The following NUFIP2 variants were observed in gnomAD, a reference collection of about 807,000 sequenced individuals.
NUFIP2 encodes FMR1-interacting protein NUFIP2.
In NUFIP2, 6 loss-of-function variants were observed where a neutral mutation model predicts 56.9. The ratio of observed to expected loss-of-function variants is 0.11; its 90% CI spans 0.06 to 0.21. The LOEUF (loss-of-function observed/expected upper bound fraction) is 0.21. Among genes scored for constraint, NUFIP2 ranks in the 10% least tolerant of loss-of-function variants. The pLI is 1.00. For missense variants in NUFIP2, 828 were observed against 826.8 expected, an observed-to-expected ratio of 1.00 and a Z score of -0.02; for synonymous variants, 321 against 298.2, an observed-to-expected ratio of 1.08 and a Z score of -0.79.
At position 29,256,311 on chromosome 17, in the gene NUFIP2, A is replaced by G. The variant is rs1245540718; in HGVS notation, c.*8228T>C. ...CCTCCAGTAGGTTCTAAGACTGAAC[A>G]TAAGTGAACTACTGACAGATGCGGA... is the stretch of plus-strand genomic sequence containing the variant. On this transcript the variant is annotated 3_prime_UTR_variant, in exon 4 of 4. Transcript: ENST00000225388. The G allele has an allele frequency of 6.6e-6, 1 of 152,376 alleles. No homozygotes were observed. The highest frequency in any genetic ancestry group is 1.9e-4 in the East Asian group (1 of 5,190). 9.4% of individuals were successfully genotyped at this position (152,376 alleles called of 1,614,324 possible).
chr17:29,267,148 C>T (rs919681255), intron 3 of NUFIP2, among the ~76,000 whole-genome samples: 1 of 152,128 alleles, frequency 6.6e-6, no homozygotes, highest in East Asian at 1.9e-4. Flanking sequence ...GGGTGATCCA[C>T]CCGCCTCAGC....
chr17:29,279,780 T>C (rs922276803), intron 2 of NUFIP2, among the ~76,000 whole-genome samples: 2 of 152,166 alleles, frequency 1.3e-5, no homozygotes, highest in African/African-American at 2.4e-5. Context: ...TCAAAAATGC[T>C]AGGATTATAG....
At chr17:29,282,818 G>A (rs1014923153) in intron 2 of NUFIP2, among the ~76,000 whole-genome samples, 1 of 151,996 alleles carries the variant, frequency 6.6e-6, no homozygotes, top group East Asian at 1.9e-4. Context: ...TGTTCTTAAA[G>A]GATATTCCAG....
rs2068977216 is a variant in NUFIP2, at chr17:29,257,416, G to A, written c.*7123C>T. 6.6e-6 allele frequency: 1 copy of A among 152,080 alleles called. No individual in the cohort carries two copies. Among genetic ancestry groups the A allele is most frequent in the African/African-American group, 2.4e-5 (1 of 41,410 alleles). 9.4% of individuals were successfully genotyped at this position (152,080 alleles called of 1,614,324 possible). A position where few individuals can be genotyped will look rare whatever the true frequency, so the allele number is the denominator to read the frequency against. ...CGGAGCTTCGGCAAAATTCGAGTGTGCAAAATGCATTTCTAAAACGTAATG... is the reference window on the plus strand; with the variant it reads ...CGGAGCTTCGGCAAAATTCGAGTGTACAAAATGCATTTCTAAAACGTAATG... On this transcript the variant is annotated 3_prime_UTR_variant, in exon 4 of 4. Transcript: ENST00000225388.
chr17:29,272,178 C>T (rs1454951589), intron 2 of NUFIP2, among the ~76,000 whole-genome samples: 1 of 149,840 alleles, frequency 6.7e-6, no homozygotes, highest in Non-Finnish European at 1.5e-5. Context: ...GCTGACATTA[C>T]CTTCTGTCCT....
intron 3 of NUFIP2, among the ~76,000 whole-genome samples, chr17:29,267,208 AT>A (rs71359290): frequency 0.087 from 11,877 of 136,050 alleles, 491 homozygotes; most frequent in South Asian, 0.19. Context: ...CCGGCCCTAC[AT>A]TTTTTTTTTT....
chr17:29,275,204 T>G (rs1366283957), intron 2 of NUFIP2, among the ~76,000 whole-genome samples: 1 of 152,090 alleles, frequency 6.6e-6, no homozygotes, highest in East Asian at 1.9e-4. Context: ...GTATTTTTTT[T>G]GTACATACAG....
intron 2 of NUFIP2, 119 bp downstream of exon 2, chr17:29,285,873 A>G (rs1369001211): frequency 2.6e-6 from 2 of 762,460 alleles, no homozygotes; most frequent in African/African-American, 3.5e-5. Context: ...GCTTATCCAC[A>G]TTGTCATTCT....
In NUFIP2 at chr17:29,262,401, T is replaced by TA. The variant is rs34898821; in HGVS notation, c.*2137dup. 19,227 of 152,188 alleles carry TA rather than the reference T, an allele frequency of 0.13. 1,389 individuals are homozygous for TA. The highest frequency in any genetic ancestry group is 0.3 in the East Asian group (1,541 of 5,166). The allele number at this position is 152,188 out of a possible 1,614,324, so 9.4% of individuals were successfully genotyped here. ...TTTTAACTTTTTGAAAATTTTTATT[T>TA]AAAAAAACACAAAAACACAGACTTT... On this transcript the variant is annotated 3_prime_UTR_variant, in exon 4 of 4. Coordinates refer to ENST00000225388, the MANE Select transcript of NUFIP2 (RefSeq NM_020772.3).
chr17:29,283,346 G>T (rs1312551302), intron 2 of NUFIP2, among the ~76,000 whole-genome samples: 2 of 152,138 alleles, frequency 1.3e-5, no homozygotes, highest in Non-Finnish European at 2.9e-5. Flanking sequence ...ACATTTTGTT[G>T]TTTTGTTTTG....
In NUFIP2 at chr17:29,287,296, C is replaced by T; in HGVS notation, c.698G>A (p.Gly233Asp). 5.6e-6 allele frequency: 9 copies of T among 1,614,186 alleles called. No individual in the cohort carries two copies. The highest frequency in any genetic ancestry group is 7.6e-6 in the Non-Finnish European group (9 of 1,180,020). The stretch of plus-strand genomic sequence containing the variant: ...CTGCACTATATTAAGGTTTTCACAA[C>T]CCTTGGCACTATTGCGCCTAGCTTT... ...KRKARRNSAKGCENLNIVQDK... is the reference protein window; with the variant it reads ...KRKARRNSAKDCENLNIVQDK... Residue 233 changes from glycine (G) to aspartate (D), a missense_variant, in exon 2 of 4, where the codon GGT becomes GAT. By Grantham distance (94) the Gly-to-Asp change is moderately conservative. Around this residue, in one of 3 missense-constraint regions of NUFIP2, gnomAD observed 415 missense variants for 408.7 expected, o/e 1.02. Coordinates refer to ENST00000225388, the MANE Select transcript of NUFIP2 (RefSeq NM_020772.3).
At chr17:29,290,564 G>A (rs996131334) in intron 1 of NUFIP2, among the ~76,000 whole-genome samples, 27 of 150,866 alleles carry the variant, frequency 1.8e-4, no homozygotes, top group African/African-American at 6.3e-4. Flanking sequence ...CAGGAGATTC[G>A]CTTGAATCCA....
intron 2 of NUFIP2, among the ~76,000 whole-genome samples, chr17:29,282,582 AAC>A (rs1254062202): frequency 2.0e-5 from 3 of 151,778 alleles, no homozygotes; most frequent in Admixed American, 6.6e-5. Context: ...ACAAAATAAA[AAC>A]ACCTTTCTTT....
At chr17:29,271,898 C>T (rs2069074815) in intron 2 of NUFIP2, among the ~76,000 whole-genome samples, 1 of 151,672 alleles carries the variant, frequency 6.6e-6, no homozygotes, top group Admixed American at 6.6e-5. Context: ...TGGTGAAATC[C>T]CATCTCTACT....
intron 2 of NUFIP2, among the ~76,000 whole-genome samples, chr17:29,281,490 T>G (rs2069139064): frequency 2.9e-5 from 4 of 136,430 alleles, no homozygotes; most frequent in Non-Finnish European, 6.2e-5. Flanking sequence ...ACACCCTGTC[T>G]CAAAAAAAAA....
Position 29,293,919 on chromosome 17 carries a change from G to A in NUFIP2, c.141C>T (p.His47=), listed in dbSNP as rs1344197648. ...YFYNHSHNHH[H]HHHHQQPHQY... ...GGTGAGGCTGCTGGTGATGATGGTG[G>A]TGGTGGTGGTTGTGGCTGTGGTTGT... The change falls in exon 1 of 4, where the codon CAC becomes CAT. Residue 47 remains histidine, a synonymous_variant. Coordinates refer to ENST00000225388, the MANE Select transcript of NUFIP2 (RefSeq NM_020772.3). 3.7e-6 allele frequency: 6 copies of A among 1,613,766 alleles called. No homozygotes were observed. The highest frequency in any genetic ancestry group is 5.1e-6 in the Non-Finnish European group (6 of 1,179,822).
intron 2 of NUFIP2, among the ~76,000 whole-genome samples, chr17:29,273,650 T>C (rs1195745723): frequency 6.6e-6 from 1 of 152,182 alleles, no homozygotes; most frequent in African/African-American, 2.4e-5. Context: ...GTAAAAGTTT[T>C]TGCTCTTAAG....
chr17:29,271,797 G>A (rs75343540), intron 2 of NUFIP2, among the ~76,000 whole-genome samples: 2,341 of 151,984 alleles, frequency 0.015, 52 homozygotes, highest in African/African-American at 0.053. Flanking sequence ...ATGGCCGGGC[G>A]CGGTGGCTCT....
rs2068975390 is a variant in NUFIP2, at chr17:29,257,057, T to C, written c.*7482A>G. 1 of 152,214 alleles carries C rather than the reference T, an allele frequency of 6.6e-6. No individual in the cohort carries two copies. Among genetic ancestry groups the C allele is most frequent in the African/African-American group, 2.4e-5 (1 of 41,460 alleles). The allele number at this position is 152,214 out of a possible 1,614,324, so 9.4% of individuals were successfully genotyped here. ...GTTTGAATTACTTTCCATTTCTATT[T>C]GATCAAATAAACCAAAATATTACTA... On this transcript the variant is annotated 3_prime_UTR_variant, in exon 4 of 4. Coordinates refer to ENST00000225388, the MANE Select transcript of NUFIP2 (RefSeq NM_020772.3).
Sources: gnomAD v4.1 joint callset for allele counts (sites outside exome capture counted in the v4.1 genomes callset) on GRCh38, gnomAD v4.1.1 for gene constraint, gnomAD v4.1.1 regional missense constraint, MANE v1.5 for transcripts, NCBI Gene and HGNC (gene_info 2026-07-23, HGNC 2026-07-21) for gene names.